Variants in USP8 observed in about 807,000 individuals in gnomAD.
The protein encoded by USP8 is ubiquitin carboxyl-terminal hydrolase 8.
A neutral mutation model predicts 130.0 loss-of-function variants in USP8; 27 were observed. The ratio of observed to expected loss-of-function variants is 0.21; its 90% confidence interval spans 0.15 to 0.29. The LOEUF (loss-of-function observed/expected upper bound fraction) is 0.29. Ranked by LOEUF, USP8 falls within the 10% of genes least tolerant of loss-of-function variation. USP8 has a pLI of 1.00. For synonymous variants in USP8, 392 were observed against 444.1 expected (o/e 0.88, Z 1.48); for missense variants, 1,029 against 1,312.2 (o/e 0.78, Z 3.33).
At chr15:50,465,844 G>A (rs1165905508) in intron 7 of USP8, among the ~76,000 whole-genome samples, 3 of 152,130 alleles carry the variant, frequency 2.0e-5, no homozygotes, top group Non-Finnish European at 4.4e-5. Flanking sequence ...ATTATTACTA[G>A]GTAGTGACCT....
Position 50,508,456 on chromosome 15 carries a change from C to A in USP8, c.*9368C>A, listed in dbSNP as rs1404961525. 6.6e-6 allele frequency: 1 copy of A among 151,932 alleles called. No individual in the cohort carries two copies. Among genetic ancestry groups the A allele is most frequent in the African/African-American group, 2.4e-5 (1 of 41,370 alleles). 9.4% of individuals were successfully genotyped at this position (151,932 alleles called of 1,614,324 possible). ...CAATTTTGTATATGTTTGAAATATT[C>A]TATAATAAAAAAAGGCAGAGAAAGT... On this transcript the variant is annotated 3_prime_UTR_variant, in exon 20 of 20. Transcript: ENST00000307179.
At chr15:50,496,823 A>G in intron 17 of USP8, 1 of 298,074 alleles carries the variant, frequency 3.4e-6, no homozygotes, top group Non-Finnish European at 6.1e-6. Flanking sequence ...CATTTCCTCC[A>G]ACAGGGTTTC....
intron 4 of USP8, among the ~76,000 whole-genome samples, chr15:50,451,805 T>G (rs1212053773): frequency 6.6e-6 from 1 of 152,218 alleles, no homozygotes; most frequent in Non-Finnish European, 1.5e-5. Context: ...GAAATCTGCA[T>G]GACTAGAATT....
chr15:50,455,954 A>G (rs1410186519), intron 4 of USP8, among the ~76,000 whole-genome samples: 4 of 152,362 alleles, frequency 2.6e-5, no homozygotes, highest in South Asian at 4.1e-4. Flanking sequence ...GTGTGAAACC[A>G]TAAAAAATGG....
At position 50,494,046 on chromosome 15, in the gene USP8, T is replaced by G. The variant is rs750054346; in HGVS notation, c.2448-24T>G. On this transcript the variant is annotated intron_variant, in intron 15 of 19. Transcript: ENST00000307179. ...ACTTTTAAATTTCCTTTATTGTCTT[T>G]TGTAACAACTTTTATTTGCACAGGT... The G allele has an allele frequency of 6.3e-6, 10 of 1,592,222 alleles. No individual in the cohort carries two copies. The African/African-American group carries it at 1.2e-4, about 19-fold the overall frequency.
chr15:50,494,074 A>G lies in USP8; in HGVS notation c.2452A>G (p.Asn818Asp). ...NCYQDDINRS[N>D]LLGHKGEVAE... ...TAACAACTTTTATTTGCACAGGTCA[A>G]ATTTGTTGGGGCATAAAGGTGAAGT... is the stretch of plus-strand genomic sequence containing the variant. Residue 818 changes from asparagine to aspartate, a missense_variant, in exon 16 of 20, where the codon AAT (asparagine) becomes GAT (aspartate). Asn to Asp is a conservative substitution (Grantham distance 23, BLOSUM62 1). This residue lies in a region of USP8 where 257 missense variants were observed against 429.8 expected (regional missense o/e 0.60). Coordinates refer to ENST00000307179, the MANE Select transcript of USP8 (RefSeq NM_005154.5). The G allele has an allele frequency of 1.2e-6, 2 of 1,604,842 alleles. No homozygotes were observed. Among genetic ancestry groups the G allele is most frequent in the South Asian group, 2.2e-5 (2 of 89,790 alleles).
Position 50,506,381 on chromosome 15 carries a change from T to A in USP8, c.*7293T>A, listed in dbSNP as rs2052658741. 6.6e-6 allele frequency: 1 copy of A among 152,154 alleles called. No homozygotes were observed. Among genetic ancestry groups the A allele is most frequent in the African/African-American group, 2.4e-5 (1 of 41,440 alleles). The allele number at this position is 152,154 out of a possible 1,614,324, so 9.4% of individuals were successfully genotyped here. A position where few individuals can be genotyped will look rare whatever the true frequency, so the allele number is the denominator to read the frequency against. On this transcript the variant is annotated 3_prime_UTR_variant, in exon 20 of 20. Transcript: ENST00000307179. Reference sequence around the variant, plus strand: ...AACTGCGCATGTGAGGGATCTAGGTTGCGTGCTCCTTATGAGAATCTACTG... The same window carrying A: ...AACTGCGCATGTGAGGGATCTAGGTAGCGTGCTCCTTATGAGAATCTACTG...
Position 50,441,368 on chromosome 15 carries a change from A to T in USP8, c.124A>T (p.Lys42Ter). Residue 42 changes from lysine to a stop codon, truncating the protein, a stop_gained, in exon 3 of 20, where the codon AAG becomes TAG. Coordinates refer to ENST00000307179, the MANE Select transcript of USP8 (RefSeq NM_005154.5). LOFTEE classifies it high-confidence loss of function. ...STKSYVHSAL[K>*]IFKTAEECRL... The stretch of plus-strand genomic sequence containing the variant: ...TTTAAGTTATGTGCACAGTGCCCTG[A>T]AGATCTTTAAGACAGCAGAAGAATG... 6.3e-7 allele frequency: 1 copy of T among 1,598,624 alleles called. No homozygotes were observed.
intron 1 of USP8, among the ~76,000 whole-genome samples, chr15:50,427,626 G>C (rs1312948754): frequency 1.2e-4 from 17 of 140,550 alleles, no homozygotes; most frequent in African/African-American, 4.3e-4. Flanking sequence ...GCAGTGGTGA[G>C]TTCTCGGCTC....
rs931416140 is a variant in USP8, at chr15:50,505,077, A to C, written c.*5989A>C. 6.6e-6 allele frequency: 1 copy of C among 152,202 alleles called. No individual in the cohort carries two copies. Among genetic ancestry groups the C allele is most frequent in the African/African-American group, 2.4e-5 (1 of 41,458 alleles). The allele number at this position is 152,202 out of a possible 1,614,324, so 9.4% of individuals were successfully genotyped here. A position where few individuals can be genotyped will look rare whatever the true frequency, so the allele number is the denominator to read the frequency against. ...GAATACGTGTTAAGAGGCATGAAAA[A>C]TTGAATGAGAATATTCAGCGTATGT... On this transcript the variant is annotated 3_prime_UTR_variant, in exon 20 of 20. Transcript: ENST00000307179.
chr15:50,508,826 C>T lies in USP8; in HGVS notation c.*9738C>T, dbSNP rs2052697665. The T allele has an allele frequency of 2.1e-5, 3 of 141,748 alleles. No homozygotes were observed. The highest frequency in any genetic ancestry group is 4.6e-5 in the Non-Finnish European group (3 of 64,922). 8.8% of individuals were successfully genotyped at this position (141,748 alleles called of 1,614,324 possible). A position where few individuals can be genotyped will look rare whatever the true frequency, so the allele number is the denominator to read the frequency against. On this transcript the variant is annotated 3_prime_UTR_variant, in exon 20 of 20. Coordinates refer to ENST00000307179, the MANE Select transcript of USP8 (RefSeq NM_005154.5). Reference sequence around the variant, plus strand: ...CAGCTTGGGCAACATGGCAAAACCCCGTCTCTATAAAAAAAAAAAGAGTAC... The same window carrying T: ...CAGCTTGGGCAACATGGCAAAACCCTGTCTCTATAAAAAAAAAAAGAGTAC...
intron 7 of USP8, among the ~76,000 whole-genome samples, chr15:50,467,702 C>T (rs980047840): frequency 6.6e-6 from 1 of 151,928 alleles, no homozygotes; most frequent in Non-Finnish European, 1.5e-5. Flanking sequence ...AATACAGGCA[C>T]ATGCCACCAT....
rs148641640 is a variant in USP8 at position 50,475,217 on chromosome 15, G to A, written c.850-1632G>A. Among the ~76,000 whole-genome samples the A allele has an allele frequency of 3.2e-4, 49 of 152,204 alleles. 1 individual carries two copies. Among genetic ancestry groups the A allele is most frequent in the African/African-American group, 1.0e-3 (43 of 41,528 alleles). On this transcript the variant is annotated intron_variant, in intron 8 of 19. Coordinates refer to ENST00000307179, the MANE Select transcript of USP8 (RefSeq NM_005154.5). ...AGACCTGTTTTCCCTAATATTCAGAGTACATTCACTGTTTACTAAAAAAAT... is the reference window on the plus strand; with the variant it reads ...AGACCTGTTTTCCCTAATATTCAGAATACATTCACTGTTTACTAAAAAAAT...
Position 50,444,904 on chromosome 15 carries a change from C to T in USP8, c.249+3411C>T, listed in dbSNP as rs541689600. 4.6e-5 allele frequency among the ~76,000 whole-genome samples: 7 copies of T among 152,078 alleles called. No homozygotes were observed. In the South Asian group the frequency reaches 8.3e-4, roughly 18 times the overall value. ...TCCAGAGTAGCTGGGAGTACAGACA[C>T]GCACCACCACACCTGGCTAATTTTT... On this transcript the variant is annotated intron_variant, in intron 3 of 19. Coordinates refer to ENST00000307179, the MANE Select transcript of USP8 (RefSeq NM_005154.5).
intron 1 of USP8, among the ~76,000 whole-genome samples, chr15:50,424,850 C>T (rs1183068144): frequency 6.6e-6 from 1 of 150,706 alleles, no homozygotes; most frequent in Non-Finnish European, 1.5e-5. Flanking sequence ...CTGCAATCTG[C>T]CTACAATCCC....
At chr15:50,472,607 A>G (rs2051418352) in intron 8 of USP8, among the ~76,000 whole-genome samples, 1 of 149,800 alleles carries the variant, frequency 6.7e-6, no homozygotes, top group Admixed American at 6.7e-5. Context: ...GAAAAAAAAA[A>G]AAAAAAAATA....
Position 50,498,642 on chromosome 15 carries a change from G to A in USP8, c.3085G>A (p.Asp1029Asn), listed in dbSNP as rs1433273543. Reference protein sequence around the residue: ...RWKQKLQTSVDFPLENLDLSQ... With the variant: ...RWKQKLQTSVNFPLENLDLSQ... ...GAAACAAAAATTACAGACATCTGTG[G>A]ACTTCCCGTTAGAAAATCTTGACTT... Residue 1029 changes from aspartate to asparagine, a missense_variant, in exon 19 of 20, where the codon GAC (aspartate) becomes AAC (asparagine). Coordinates refer to ENST00000307179, the MANE Select transcript of USP8 (RefSeq NM_005154.5). 6.2e-7 allele frequency: 1 copy of A among 1,612,590 alleles called. No individual in the cohort carries two copies. Among genetic ancestry groups the A allele is most frequent in the East Asian group, 2.2e-5 (1 of 44,860 alleles).
At chr15:50,485,976 C>T (rs1426344084) in intron 12 of USP8, among the ~76,000 whole-genome samples, 2 of 152,122 alleles carry the variant, frequency 1.3e-5, no homozygotes, top group African/African-American at 2.4e-5. Context: ...ATGTTCAGTA[C>T]ACCCAGAGTT....
chr15:50,495,766 G>A (rs2141326508), intron 16 of USP8, 82 bp from the exon 17 acceptor site: 1 of 1,113,006 alleles, frequency 9.0e-7, no homozygotes, highest in East Asian at 2.6e-5. Flanking sequence ...AATCTGGCAA[G>A]TGTTTGTATT....
Sources: allele counts gnomAD v4.1 joint callset (sites outside exome capture counted in the v4.1 genomes callset), GRCh38; gene constraint gnomAD v4.1.1; regional missense constraint gnomAD v4.1.1; transcripts MANE v1.5; gene names NCBI Gene and HGNC (gene_info 2026-07-23, HGNC 2026-07-21).